Variants in MUC13 observed in about 807,000 individuals in gnomAD.
The protein encoded by MUC13 is mucin-13.
Under a neutral mutation model 48.3 loss-of-function variants are expected in MUC13, and 32 were observed. The observed-to-expected ratio is 0.66, with a 90% CI of 0.50 to 0.89. The LOEUF is 0.89. Among genes scored for constraint, MUC13 ranks in the 40% least tolerant of loss-of-function variants. The pLI, the probability that MUC13 is intolerant of heterozygous loss-of-function variation, is 0.00. For synonymous variants in MUC13, 199 were observed against 224.9 expected, an observed-to-expected ratio of 0.88 and a Z score of 1.03; for missense variants, 571 against 622.8, an observed-to-expected ratio of 0.92 and a Z score of 0.88.
At chr3:124,910,386 A>T (rs1387851377) in intron 10 of MUC13, 29 bp downstream of exon 10, 3 of 1,599,394 alleles carry the variant, frequency 1.9e-6, no homozygotes, top group Non-Finnish European at 2.6e-6. Flanking sequence ...AAAAAAAAAA[A>T]ATTTAAAAAG....
intron 8 of MUC13, among the ~76,000 whole-genome samples, chr3:124,912,739 C>T (rs929054819): frequency 1.3e-5 from 2 of 151,950 alleles, no homozygotes; most frequent in Non-Finnish European, 2.9e-5. Context: ...AGTTCAAGAC[C>T]AGCCTGGCCA....
At chr3:124,908,916 G>A (rs1283000548) in intron 10 of MUC13, among the ~76,000 whole-genome samples, 1 of 152,208 alleles carries the variant, frequency 6.6e-6, no homozygotes, top group African/African-American at 2.4e-5. Flanking sequence ...CACTCTGGGA[G>A]GCCGTGGTGG....
At chr3:124,932,717 A>G (rs780688224) in intron 1 of MUC13, among the ~76,000 whole-genome samples, 1 of 152,116 alleles carries the variant, frequency 6.6e-6, no homozygotes, top group Non-Finnish European at 1.5e-5. Context: ...ACTCTTCAGT[A>G]TAGGGATTTC....
At chr3:124,933,717 A>G (rs945524173) in intron 1 of MUC13, among the ~76,000 whole-genome samples, 2 of 152,186 alleles carry the variant, frequency 1.3e-5, no homozygotes. Flanking sequence ...CTCATCAGGA[A>G]GTTGGGTGTT....
intron 11 of MUC13, 130 bp from the exon 12 acceptor site, chr3:124,906,872 C>G (rs60334726): frequency 3.9e-5 from 6 of 152,138 alleles, no homozygotes; most frequent in Admixed American, 3.9e-4. Context: ...CAGCTTTATC[C>G]CATATTCTCC....
intron 1 of MUC13, among the ~76,000 whole-genome samples, chr3:124,934,160 C>G (rs1027516974): frequency 2.0e-5 from 3 of 152,140 alleles, no homozygotes; most frequent in Admixed American, 2.0e-4. Flanking sequence ...AGATCTCACT[C>G]CATAGACCAC....
chr3:124,913,613 C>T lies in MUC13; in HGVS notation c.1033G>A (p.Asp345Asn), dbSNP rs770263892. ...ADDCLNGLAC[D>N]CKSDLQRPNP... ...GGCCTTTGCAGGTCAGATTTGCAAT[C>T]GCATGCTAAACCATTGAGGCAGTCA... The change falls in exon 7 of 12, where the codon GAT becomes AAT. Residue 345 changes from aspartate (D) to asparagine (N), a missense_variant. Asp to Asn is a conservative substitution (Grantham distance 23). Transcript: ENST00000616727. The T allele has an allele frequency of 4.2e-5, 67 of 1,614,098 alleles. 1 individual carries two copies. Among genetic ancestry groups the T allele is most frequent in the African/African-American group, 3.6e-4 (27 of 74,930 alleles).
Position 124,922,272 on chromosome 3 carries a change from T to C in MUC13, c.669A>G (p.Thr223=). The part of the protein sequence containing the change: ...GKVFPGKISV[T]VSETFDPEEK... ...CTTCTGGGTCAAATGTTTCTGATAC[T>C]GTCACTGAAATCTTCCCAGGGAATA... Residue 223 remains threonine, a synonymous_variant, in exon 4 of 12, where the codon ACA becomes ACG. Transcript: ENST00000616727. 1 of 1,614,158 alleles carries C rather than the reference T, an allele frequency of 6.2e-7. No individual in the cohort carries two copies. The highest frequency in any genetic ancestry group is 8.5e-7 in the Non-Finnish European group (1 of 1,180,018).
At position 124,927,935 on chromosome 3, in the gene MUC13, A is replaced by G. The variant is rs140322040; in HGVS notation, c.111T>C (p.Gly37=). The change falls in exon 2 of 12, where the codon GGT becomes GGC. Residue 37 remains glycine (G), a synonymous_variant. Coordinates refer to ENST00000616727, the MANE Select transcript of MUC13 (RefSeq NM_033049.4). ...TGGTATCAGCTGCAGCTACTGTAGG[A>G]CCACTAGTCGCAGTTTCTGTGGTTG... is the stretch of plus-strand genomic sequence containing the variant. ...AVTTTETATS[G]PTVAAADTTE... The G allele has an allele frequency of 1.9e-5, 30 of 1,592,950 alleles. No homozygotes were observed. The African/African-American group carries it at 3.5e-4, about 19-fold the overall frequency.
At chr3:124,929,705 T>C (rs1212996261) in intron 1 of MUC13, among the ~76,000 whole-genome samples, 2 of 152,226 alleles carry the variant, frequency 1.3e-5, no homozygotes, top group Non-Finnish European at 2.9e-5. Flanking sequence ...TGCCCGACTG[T>C]ACCTGTGAAG....
chr3:124,929,806 T>C (rs996137211), intron 1 of MUC13, among the ~76,000 whole-genome samples: 1 of 152,208 alleles, frequency 6.6e-6, no homozygotes, highest in Non-Finnish European at 1.5e-5. Context: ...GTCTGTGAGA[T>C]GACAATGTCC....
At chr3:124,922,363 G>A in intron 3 of MUC13, 60 bp from the exon 4 acceptor site, 2 of 1,556,686 alleles carry the variant, frequency 1.3e-6, no homozygotes, top group Non-Finnish European at 1.7e-6. Flanking sequence ...TTTCCATTTT[G>A]TTTTAAAACA....
chr3:124,908,787 TA>T (rs1267853209), intron 10 of MUC13, among the ~76,000 whole-genome samples: 1 of 152,236 alleles, frequency 6.6e-6, no homozygotes, highest in Non-Finnish European at 1.5e-5. Flanking sequence ...TAATTTGAGA[TA>T]CAGCATTTCA....
At chr3:124,921,231 C>T (rs1302596020) in intron 4 of MUC13, among the ~76,000 whole-genome samples, 1 of 151,946 alleles carries the variant, frequency 6.6e-6, no homozygotes, top group Non-Finnish European at 1.5e-5. Context: ...GTCACTGCAA[C>T]CTCCACCTCC....
intron 1 of MUC13, among the ~76,000 whole-genome samples, chr3:124,932,006 T>C (rs1188305280): frequency 2.0e-5 from 3 of 151,824 alleles, no homozygotes; most frequent in African/African-American, 7.3e-5. Flanking sequence ...GATGGCGCCA[T>C]TGCACTCCAG....
At position 124,908,172 on chromosome 3, in the gene MUC13, C is replaced by T; in HGVS notation, c.1514G>A (p.Ser505Asn). 1 of 1,614,166 alleles carries T rather than the reference C, an allele frequency of 6.2e-7. No individual in the cohort carries two copies. Among genetic ancestry groups the T allele is most frequent in the South Asian group, 1.1e-5 (1 of 91,086 alleles). Residue 505 changes from serine to asparagine, a missense_variant, in exon 11 of 12, where the codon AGC (serine) becomes AAC (asparagine). By Grantham distance (46) the Ser-to-Asn change is conservative. Coordinates refer to ENST00000616727, the MANE Select transcript of MUC13 (RefSeq NM_033049.4). ...SQMQNPYSRH[S>N]SMPRPDY ...CTAATAGTCAGGGCGGGGCATGCTG[C>T]TGTGTCTTGAATAGGGATTTTGCAT... is the stretch of plus-strand genomic sequence containing the variant.
intron 5 of MUC13, 108 bp from the exon 6 acceptor site, chr3:124,916,588 C>T: frequency 3.3e-6 from 4 of 1,224,852 alleles, no homozygotes; most frequent in Non-Finnish European, 4.6e-6. Flanking sequence ...GACCCGCTGT[C>T]CTGTCCCTAT....
intron 5 of MUC13, among the ~76,000 whole-genome samples, chr3:124,917,870 G>C (rs1451845933): frequency 6.6e-6 from 1 of 152,080 alleles, no homozygotes; most frequent in East Asian, 1.9e-4. Context: ...TTTGCACTGG[G>C]ACTAGGAAAG....
At chr3:124,918,890 C>G (rs1935547912) in intron 5 of MUC13, among the ~76,000 whole-genome samples, 1 of 152,218 alleles carries the variant, frequency 6.6e-6, no homozygotes, top group Non-Finnish European at 1.5e-5. Context: ...TGTTTGCTGC[C>G]AGCCTCCCAC....
Sources: allele counts gnomAD v4.1 joint callset (sites outside exome capture counted in the v4.1 genomes callset), GRCh38; gene constraint gnomAD v4.1.1; transcripts MANE v1.5; gene names NCBI Gene and HGNC (gene_info 2026-07-23, HGNC 2026-07-21).